The following MTUS2 variants were observed in gnomAD, a reference collection of about 807,000 sequenced individuals.
MTUS2 encodes microtubule-associated tumor suppressor candidate 2.
In MTUS2, 40 loss-of-function variants were observed where a neutral mutation model predicts 114.1. That is an observed-to-expected ratio of 0.35 (90% CI 0.27 to 0.46). The LOEUF (loss-of-function observed/expected upper bound fraction) is 0.46. MTUS2 is among the 20% of genes least tolerant of loss of function. The probability of loss-of-function intolerance (pLI) is 1.00; values close to 1 mark genes in which losing one functional copy is unlikely to be tolerated. For missense variants in MTUS2, 1,679 were observed against 1,705.4 expected (o/e 0.98, Z 0.27); for synonymous variants, 688 against 672.0 (o/e 1.02, Z -0.37).
chr13:29,227,772 A>G (rs1026195187), intron 5 of MTUS2, among the ~76,000 whole-genome samples: 3 of 152,242 alleles, frequency 2.0e-5, no homozygotes, highest in African/African-American at 7.2e-5. Flanking sequence ...CCTAGAAGTT[A>G]CATACTATTT....
chr13:29,138,801 A>G (rs961857216), intron 5 of MTUS2, among the ~76,000 whole-genome samples: 4 of 152,140 alleles, frequency 2.6e-5, no homozygotes, highest in African/African-American at 9.7e-5. Context: ...ATGCCACTGC[A>G]TAGGCAGTTT....
At chr13:29,269,946 G>A (rs79684904) in intron 5 of MTUS2, among the ~76,000 whole-genome samples, 2,091 of 152,218 alleles carry the variant, frequency 0.014, 26 homozygotes, top group Non-Finnish European at 0.023. Context: ...AGTGAAATAA[G>A]CCAGTCACAG....
chr13:28,983,883 C>G (rs558946878), intron 2 of MTUS2, among the ~76,000 whole-genome samples: 1 of 152,228 alleles, frequency 6.6e-6, no homozygotes, highest in East Asian at 1.9e-4. Flanking sequence ...CACAGCTTAC[C>G]GCAGGAAGGA....
At chr13:29,381,143 C>T (rs1872172367) in intron 8 of MTUS2, among the ~76,000 whole-genome samples, 1 of 152,130 alleles carries the variant, frequency 6.6e-6, no homozygotes, top group East Asian at 1.9e-4. Flanking sequence ...CAGCTGGGCT[C>T]TCAGGGGCAT....
chr13:29,086,877 G>A (rs1889714937), intron 4 of MTUS2, among the ~76,000 whole-genome samples: 1 of 151,952 alleles, frequency 6.6e-6, no homozygotes, highest in African/African-American at 2.4e-5. Flanking sequence ...TCTTTTTGTG[G>A]CTATCATGTT....
At chr13:29,338,065 T>C (rs574812443) in intron 7 of MTUS2, among the ~76,000 whole-genome samples, 5 of 151,466 alleles carry the variant, frequency 3.3e-5, no homozygotes, top group Admixed American at 2.0e-4. Context: ...GTGCTGGGAT[T>C]ACAGGTGTGA....
intron 5 of MTUS2, among the ~76,000 whole-genome samples, chr13:29,161,799 C>T (rs1345022345): frequency 6.6e-6 from 1 of 152,230 alleles, no homozygotes; most frequent in Non-Finnish European, 1.5e-5. Context: ...TGGCTGGCAG[C>T]GTCCCTCTTG....
At chr13:29,103,864 A>G (rs1241988927) in intron 5 of MTUS2, among the ~76,000 whole-genome samples, 2 of 152,240 alleles carry the variant, frequency 1.3e-5, no homozygotes, top group Non-Finnish European at 2.9e-5. Flanking sequence ...AGTCTAAACA[A>G]TGTCCACACT....
At chr13:29,315,584 A>G (rs1377030449) in intron 6 of MTUS2, among the ~76,000 whole-genome samples, 1 of 152,200 alleles carries the variant, frequency 6.6e-6, no homozygotes. Flanking sequence ...TGATGTCCCT[A>G]TCTGTGTCAT....
chr13:29,300,545 A>G (rs901707172), intron 6 of MTUS2, among the ~76,000 whole-genome samples: 3 of 151,854 alleles, frequency 2.0e-5, no homozygotes, highest in Non-Finnish European at 4.4e-5. Context: ...ATATGGCCCA[A>G]TTTCTTAGTA....
intron 9 of MTUS2, among the ~76,000 whole-genome samples, chr13:29,479,759 G>C (rs541178327): frequency 6.6e-6 from 1 of 152,314 alleles, no homozygotes; most frequent in East Asian, 1.9e-4. Context: ...CATGGGCTCT[G>C]ATTCACCCAG....
chr13:28,897,055 A>T (rs1414486023), intron 2 of MTUS2, among the ~76,000 whole-genome samples: 1 of 152,250 alleles, frequency 6.6e-6, no homozygotes. Flanking sequence ...GACAAATGGG[A>T]TCTAATGAAA....
chr13:28,991,804 G>C (rs2138339987), intron 2 of MTUS2, among the ~76,000 whole-genome samples: 1 of 152,252 alleles, frequency 6.6e-6, no homozygotes, highest in East Asian at 1.9e-4. Context: ...TCCTGGGTTG[G>C]AGGCAGCACC....
intron 2 of MTUS2, among the ~76,000 whole-genome samples, chr13:28,984,533 T>A (rs1306274634): frequency 2.6e-5 from 4 of 152,198 alleles, no homozygotes; most frequent in African/African-American, 9.7e-5. Flanking sequence ...TGCAGCGCAC[T>A]CTCTGTCATG....
At chr13:29,339,825 A>T (rs1174924377) in intron 7 of MTUS2, 1 of 154,476 alleles carries the variant, frequency 6.5e-6, no homozygotes, top group Non-Finnish European at 1.4e-5. Context: ...TTGACCTGGG[A>T]GCGGAGAAGG....
intron 2 of MTUS2, among the ~76,000 whole-genome samples, chr13:28,941,723 G>C (rs1159233115): frequency 7.2e-6 from 1 of 139,426 alleles, no homozygotes; most frequent in Non-Finnish European, 1.5e-5. Flanking sequence ...ATATTCTTTG[G>C]TACATCAAAC....
intron 8 of MTUS2, among the ~76,000 whole-genome samples, chr13:29,408,191 T>C (rs893122080): frequency 6.6e-6 from 1 of 152,234 alleles, no homozygotes; most frequent in Non-Finnish European, 1.5e-5. Flanking sequence ...ATATAATGTA[T>C]CATTATTTTT....
At position 28,933,949 on chromosome 13, in the gene MTUS2, T is replaced by C. The variant is rs1593312045; in HGVS notation, c.-242-90508T>C. Among the ~76,000 whole-genome samples the C allele has an allele frequency of 3.3e-5, 5 of 152,242 alleles. No individual in the cohort carries two copies. The South Asian group carries it at 1.0e-3, about 32-fold the overall frequency. On this transcript the variant is annotated intron_variant, in intron 2 of 15. Transcript: ENST00000612955. ...TTCCTTGACTTCATGCTTAGATGGC[T>C]GTTAGTCAATTTGAACTAATGAAAT...
chr13:28,827,956 T>G (rs1180996105), intron 1 of MTUS2, among the ~76,000 whole-genome samples: 1 of 152,190 alleles, frequency 6.6e-6, no homozygotes, highest in African/African-American at 2.4e-5. Flanking sequence ...TAACATCTTA[T>G]CAGGAGACAG....
Sources: gnomAD v4.1 joint callset for allele counts (sites outside exome capture counted in the v4.1 genomes callset) on GRCh38, gnomAD v4.1.1 for gene constraint, MANE v1.5 for transcripts, NCBI Gene and HGNC (gene_info 2026-07-23, HGNC 2026-07-21) for gene names.